Variants in KCTD8 observed in about 807,000 individuals in gnomAD.
KCTD8 encodes BTB/POZ domain-containing protein KCTD8.
In KCTD8, 27 loss-of-function variants were observed where a neutral mutation model predicts 31.5. The observed-to-expected ratio is 0.86, with a 90% CI of 0.63 to 1.18. The LOEUF (loss-of-function observed/expected upper bound fraction) is 1.18, where lower values mean the gene tolerates loss of function less well. KCTD8 is among the 50% of genes most tolerant of loss of function. KCTD8 has a pLI of 0.00. For synonymous variants in KCTD8, 290 were observed against 280.0 expected (o/e 1.04, Z -0.36); for missense variants, 658 against 647.7 (o/e 1.02, Z -0.17).
At chr4:44,223,217 G>A (rs1398427755) in intron 1 of KCTD8, among the ~76,000 whole-genome samples, 3 of 152,176 alleles carry the variant, frequency 2.0e-5, no homozygotes, top group African/African-American at 7.2e-5. Context: ...CAAGTAAGGG[G>A]ACAAGAGCGG....
intron 1 of KCTD8, among the ~76,000 whole-genome samples, chr4:44,300,365 T>A (rs1326852780): frequency 6.6e-6 from 1 of 152,140 alleles, no homozygotes. Context: ...TTCATGTACA[T>A]CATGAGAAAA....
chr4:44,313,947 CAG>C (rs1718026953), intron 1 of KCTD8, among the ~76,000 whole-genome samples: 1 of 152,244 alleles, frequency 6.6e-6, no homozygotes, highest in South Asian at 2.1e-4. Context: ...GTGCAAAGAA[CAG>C]AGTCATGAGA....
At chr4:44,291,959 T>C (rs1231129472) in intron 1 of KCTD8, among the ~76,000 whole-genome samples, 102 of 76,444 alleles carry the variant, frequency 1.3e-3, no homozygotes, top group African/African-American at 5.6e-3. Context: ...TTGGCTATTA[T>C]GAAAAAAAAA....
intron 1 of KCTD8, among the ~76,000 whole-genome samples, chr4:44,412,760 A>T (rs755534841): frequency 1.3e-5 from 2 of 152,190 alleles, no homozygotes; most frequent in African/African-American, 4.8e-5. Flanking sequence ...TAAAGAAAGC[A>T]TTTACTACAA....
intron 1 of KCTD8, among the ~76,000 whole-genome samples, chr4:44,381,856 C>T (rs1293805420): frequency 6.6e-6 from 1 of 151,508 alleles, no homozygotes; most frequent in African/African-American, 2.4e-5. Context: ...TCACCAGGAG[C>T]AAATGCTGGC....
intron 1 of KCTD8, among the ~76,000 whole-genome samples, chr4:44,215,160 G>T (rs375783732): frequency 8.1e-4 from 124 of 152,200 alleles, no homozygotes; most frequent in African/African-American, 2.8e-3. Context: ...CAGGGAGACT[G>T]ATTTGAGCAA....
intron 1 of KCTD8, chr4:44,293,724 G>A: frequency 2.3e-6 from 1 of 432,136 alleles, no homozygotes; most frequent in Non-Finnish European, 4.6e-6. Context: ...GTAAACACTG[G>A]CCAAAAAATG....
intron 1 of KCTD8, among the ~76,000 whole-genome samples, chr4:44,213,043 TCCTCCTG>T (rs1469974003): frequency 3.3e-5 from 5 of 152,250 alleles, no homozygotes; most frequent in African/African-American, 7.2e-5. Context: ...GTTCACGCCA[TCCTCCTG>T]CCTCAGCCAC....
At chr4:44,400,308 T>C (rs1720614011) in intron 1 of KCTD8, among the ~76,000 whole-genome samples, 2 of 152,160 alleles carry the variant, frequency 1.3e-5, no homozygotes, top group African/African-American at 4.8e-5. Context: ...TTCATCTCCT[T>C]TCTCAATGCT....
At position 44,371,743 on chromosome 4, in the gene KCTD8, T is replaced by C. The variant is rs576075573; in HGVS notation, c.961+75820A>G. On this transcript the variant is annotated intron_variant, in intron 1 of 1. Transcript: ENST00000360029. ...GTTACAACCCTGCTGCACATCAGTA[T>C]CTACATTGTAAAATAGATGAATCCC... is the stretch of plus-strand genomic sequence containing the variant. Among the ~76,000 whole-genome samples, 3 of 152,334 alleles carry C rather than the reference T, an allele frequency of 2.0e-5. No homozygotes were observed. In the South Asian group the frequency reaches 6.2e-4, roughly 32 times the overall value.
At chr4:44,278,853 C>T (rs543656045) in intron 1 of KCTD8, among the ~76,000 whole-genome samples, 1 of 151,994 alleles carries the variant, frequency 6.6e-6, no homozygotes, top group South Asian at 2.1e-4. Context: ...CCACTGGCAA[C>T]AAAAACCTTC....
In KCTD8 at chr4:44,276,248, C is replaced by A. The variant is rs546739250; in HGVS notation, c.962-100998G>T. On this transcript the variant is annotated intron_variant, in intron 1 of 1. Coordinates refer to ENST00000360029, the MANE Select transcript of KCTD8 (RefSeq NM_198353.3). ...GATACTCCTCCCTGAAAACACTTTT[C>A]ATTCAACTAAGTTTTAAACAGTTGC... 8.5e-5 allele frequency among the ~76,000 whole-genome samples: 13 copies of A among 152,116 alleles called. No individual in the cohort carries two copies. In the East Asian group the frequency reaches 2.5e-3, roughly 29 times the overall value.
At chr4:44,278,108 T>A (rs568950715) in intron 1 of KCTD8, among the ~76,000 whole-genome samples, 1 of 152,006 alleles carries the variant, frequency 6.6e-6, no homozygotes, top group South Asian at 2.1e-4. Flanking sequence ...TTTGGTTTCC[T>A]CTTCTATCTT....
rs550035515 is a variant in KCTD8, at chr4:44,238,440, A to G, written c.962-63190T>C. Reference sequence around the variant, plus strand: ...GTAGCTTCATGAAAGTAGAGACTACATGTAATTTTGCTCACCTACTATTTG... The same window carrying G: ...GTAGCTTCATGAAAGTAGAGACTACGTGTAATTTTGCTCACCTACTATTTG... On this transcript the variant is annotated intron_variant, in intron 1 of 1. Transcript: ENST00000360029. Among the ~76,000 whole-genome samples the G allele has an allele frequency of 8.5e-5, 13 of 152,284 alleles. No homozygotes were observed. In the South Asian group the frequency reaches 1.7e-3, roughly 19 times the overall value.
chr4:44,347,879 T>C (rs1719075191), intron 1 of KCTD8, among the ~76,000 whole-genome samples: 1 of 152,132 alleles, frequency 6.6e-6, no homozygotes, highest in African/African-American at 2.4e-5. Context: ...ATTAGATACA[T>C]TTATAGGGAA....
At chr4:44,293,715 T>C in intron 1 of KCTD8, 2 of 431,116 alleles carry the variant, frequency 4.6e-6, no homozygotes, top group South Asian at 1.7e-5. Context: ...AAGAACCTTG[T>C]AAACACTGGC....
At chr4:44,337,087 A>T (rs1001977440) in intron 1 of KCTD8, among the ~76,000 whole-genome samples, 1 of 152,164 alleles carries the variant, frequency 6.6e-6, no homozygotes, top group Non-Finnish European at 1.5e-5. Context: ...CACAAGTAAT[A>T]AACACCTCTA....
intron 1 of KCTD8, among the ~76,000 whole-genome samples, chr4:44,379,528 C>A (rs60717395): frequency 0.093 from 14,090 of 152,090 alleles, 724 homozygotes; most frequent in Admixed American, 0.18. Context: ...TGTGATTAGT[C>A]CATGGAAACT....
In KCTD8 at chr4:44,275,310, A is replaced by C. The variant is rs552541498; in HGVS notation, c.962-100060T>G. 7.5e-4 allele frequency among the ~76,000 whole-genome samples: 114 copies of C among 151,996 alleles called. 2 individuals are homozygous for C. Among genetic ancestry groups the C allele is most frequent in the Admixed American group, 2.7e-3 (41 of 15,212 alleles). ...TTGGGTAAATCATCTTTATGAGAAAATACTTTTTAATTTCTCTCTTTCTGT... is the reference window on the plus strand; with the variant it reads ...TTGGGTAAATCATCTTTATGAGAAACTACTTTTTAATTTCTCTCTTTCTGT... On this transcript the variant is annotated intron_variant, in intron 1 of 1. Transcript: ENST00000360029.
Sources: allele counts gnomAD v4.1 joint callset (sites outside exome capture counted in the v4.1 genomes callset), GRCh38; gene constraint gnomAD v4.1.1; transcripts MANE v1.5; gene names NCBI Gene and HGNC (gene_info 2026-07-23, HGNC 2026-07-21).